PTPRD: variants seen among roughly 807,000 people sequenced by gnomAD.
PTPRD encodes the protein receptor-type tyrosine-protein phosphatase delta.
Under a neutral mutation model 214.5 loss-of-function variants are expected in PTPRD, and 34 were observed. That is an observed-to-expected ratio of 0.16 (90% confidence interval 0.12 to 0.21). The LOEUF (loss-of-function observed/expected upper bound fraction) is 0.21. Among genes scored for constraint, PTPRD ranks in the 10% least tolerant of loss-of-function variants. The pLI is 1.00. For missense variants in PTPRD, 2,545 were observed against 2,398.7 expected, an observed-to-expected ratio of 1.06 and a Z score of -1.27; for synonymous variants, 1,128 against 845.7, an observed-to-expected ratio of 1.33 and a Z score of -5.79.
intron 11 of PTPRD, among the ~76,000 whole-genome samples, chr9:8,889,592 T>C (rs564984232): frequency 6.6e-6 from 1 of 152,298 alleles, no homozygotes; most frequent in Admixed American, 6.5e-5. Flanking sequence ...GCTCAATGTG[T>C]AGTCTTTTAT....
At chr9:9,603,261 G>C (rs1354760677) in intron 7 of PTPRD, among the ~76,000 whole-genome samples, 3 of 152,116 alleles carry the variant, frequency 2.0e-5, no homozygotes, top group Admixed American at 6.5e-5. Context: ...TGGGGCAATA[G>C]TATGAGCTCC....
chr9:9,367,158 A>T (rs1011197522), intron 9 of PTPRD, among the ~76,000 whole-genome samples: 1 of 151,546 alleles, frequency 6.6e-6, no homozygotes, highest in Non-Finnish European at 1.5e-5. Flanking sequence ...ATTTATACAT[A>T]TTTATGCTAA....
At chr9:8,595,808 G>A (rs2094446657) in intron 14 of PTPRD, among the ~76,000 whole-genome samples, 1 of 152,130 alleles carries the variant, frequency 6.6e-6, no homozygotes, top group Non-Finnish European at 1.5e-5. Context: ...AAGTAATGAT[G>A]CGTAATCCAT....
rs1013679939 is a variant in PTPRD at position 9,857,499 on chromosome 9, G to C, written c.-368+81008C>G. Among the ~76,000 whole-genome samples, 12 of 152,086 alleles carry C rather than the reference G, an allele frequency of 7.9e-5. 1 individual carries two copies. Among genetic ancestry groups the C allele is most frequent in the African/African-American group, 2.7e-4 (11 of 41,430 alleles). ...TTTCATCCTCTCCTATAGCCTAATA[G>C]AGTCACTCTCTGCACACGGTGCATT... On this transcript the variant is annotated intron_variant, in intron 5 of 45. Coordinates refer to ENST00000381196, the MANE Select transcript of PTPRD (RefSeq NM_002839.4).
At chr9:8,626,388 C>A (rs141061264) in intron 14 of PTPRD, among the ~76,000 whole-genome samples, 7 of 151,960 alleles carry the variant, frequency 4.6e-5, no homozygotes, top group Admixed American at 6.6e-5. Flanking sequence ...CAATGAGTCA[C>A]GTCCCAACCT....
At chr9:8,963,032 A>G (rs1377804113) in intron 11 of PTPRD, 1 of 152,190 alleles carries the variant, frequency 6.6e-6, no homozygotes, top group Non-Finnish European at 1.5e-5. Flanking sequence ...TAAAATGTAT[A>G]AAATATACAA....
At chr9:8,578,366 C>T (rs1005366238) in intron 14 of PTPRD, among the ~76,000 whole-genome samples, 2 of 151,990 alleles carry the variant, frequency 1.3e-5, no homozygotes, top group African/African-American at 4.8e-5. Context: ...CCTCCAACCC[C>T]TATATATAGT....
At chr9:10,270,697 T>C (rs948026512) in intron 3 of PTPRD, among the ~76,000 whole-genome samples, 2 of 152,314 alleles carry the variant, frequency 1.3e-5, no homozygotes, top group Middle Eastern at 6.8e-3. Flanking sequence ...ATTGGATGCA[T>C]GTGGAGTATA....
At chr9:8,431,901 T>A (rs1251375786) in intron 35 of PTPRD, among the ~76,000 whole-genome samples, 1 of 152,228 alleles carries the variant, frequency 6.6e-6, no homozygotes, top group South Asian at 2.1e-4. Flanking sequence ...TCAGAAGGAA[T>A]GGTATCAGCT....
intron 2 of PTPRD, among the ~76,000 whole-genome samples, chr9:10,412,136 GA>G (rs1375942907): frequency 6.6e-6 from 1 of 151,678 alleles, no homozygotes; most frequent in Non-Finnish European, 1.5e-5. Flanking sequence ...AGCCAAATGA[GA>G]AGAATTTGAA....
chr9:8,767,433 C>A (rs1428398345), intron 11 of PTPRD, among the ~76,000 whole-genome samples: 1 of 151,994 alleles, frequency 6.6e-6, no homozygotes, highest in African/African-American at 2.4e-5. Context: ...ATTTTTTGAA[C>A]CAGTATTTCC....
intron 12 of PTPRD, 127 bp downstream of exon 12, chr9:8,733,653 G>C (rs577221963): frequency 3.2e-6 from 3 of 938,278 alleles, no homozygotes; most frequent in East Asian, 2.7e-5. Flanking sequence ...TAGCCAAGGA[G>C]GATCCCGCAG....
At chr9:9,110,720 C>T (rs545847834) in intron 10 of PTPRD, among the ~76,000 whole-genome samples, 1 of 152,158 alleles carries the variant, frequency 6.6e-6, no homozygotes, top group Non-Finnish European at 1.5e-5. Flanking sequence ...TCAACTCAGC[C>T]TGTACTTTGG....
chr9:8,465,714 A>G, intron 31 of PTPRD, 39 bp from the exon 32 acceptor site: 4 of 1,524,500 alleles, frequency 2.6e-6, no homozygotes, highest in Non-Finnish European at 3.6e-6. Context: ...AGAACTGTAA[A>G]TAATAACCCA....
chr9:8,826,735 T>C (rs919816240), intron 11 of PTPRD, among the ~76,000 whole-genome samples: 5 of 152,054 alleles, frequency 3.3e-5, no homozygotes, highest in African/African-American at 1.2e-4. Context: ...GCAAGCATAG[T>C]ATCTCTTCTG....
intron 4 of PTPRD, among the ~76,000 whole-genome samples, chr9:9,940,185 A>G (rs897179702): frequency 6.6e-6 from 1 of 152,156 alleles, no homozygotes; most frequent in African/African-American, 2.4e-5. Flanking sequence ...AGTCAGATAT[A>G]TAGTGGGCCT....
At chr9:9,380,675 C>G (rs888462878) in intron 9 of PTPRD, among the ~76,000 whole-genome samples, 1 of 152,110 alleles carries the variant, frequency 6.6e-6, no homozygotes. Context: ...GATGAAGTGT[C>G]TATAGATGCC....
At chr9:9,733,316 C>G (rs2098232754) in intron 7 of PTPRD, among the ~76,000 whole-genome samples, 1 of 152,132 alleles carries the variant, frequency 6.6e-6, no homozygotes, top group Non-Finnish European at 1.5e-5. Flanking sequence ...AAGCATACAT[C>G]TCTATGGGAA....
chr9:9,030,955 G>A (rs561570533), intron 10 of PTPRD, among the ~76,000 whole-genome samples: 34 of 152,076 alleles, frequency 2.2e-4, no homozygotes, highest in African/African-American at 7.7e-4. Flanking sequence ...TCTCTCAGTG[G>A]AATGAAGAAT....
Sources: gnomAD v4.1 joint callset for allele counts (sites outside exome capture counted in the v4.1 genomes callset) on GRCh38, gnomAD v4.1.1 for gene constraint, MANE v1.5 for transcripts, NCBI Gene and HGNC (gene_info 2026-07-23, HGNC 2026-07-21) for gene names.